Variants in GFPT1 observed in about 807,000 individuals in gnomAD.
GFPT1 encodes glutamine--fructose-6-phosphate aminotransferase [isomerizing] 1.
GFPT1 carries 40 observed loss-of-function variants against 92.0 expected under a neutral mutation model. The ratio of observed to expected loss-of-function variants is 0.43; its 90% confidence interval spans 0.34 to 0.57. The LOEUF is 0.57. Ranked by LOEUF, GFPT1 falls within the 20% of genes least tolerant of loss-of-function variation. The pLI is 0.02. For missense variants in GFPT1, 448 were observed against 869.1 expected (o/e 0.52, Z 6.09); for synonymous variants, 269 against 280.6 (o/e 0.96, Z 0.41).
intron 10 of GFPT1, among the ~76,000 whole-genome samples, chr2:69,349,092 G>C (rs1050874392): frequency 6.6e-6 from 1 of 152,054 alleles, no homozygotes; most frequent in African/African-American, 2.4e-5. Flanking sequence ...ACCCACCAAG[G>C]GTAAATCACT....
At chr2:69,328,538 T>C (rs1274245840) in intron 17 of GFPT1, 100 bp from the exon 18 acceptor site, 7 of 817,018 alleles carry the variant, frequency 8.6e-6, no homozygotes, top group Non-Finnish European at 1.5e-5. Flanking sequence ...CCACTGTCTA[T>C]CTATCCAAAA....
At chr2:69,387,041 GC>G in intron 1 of GFPT1, 23 bp downstream of exon 1, 6 of 1,515,542 alleles carry the variant, frequency 4.0e-6, no homozygotes, top group African/African-American at 2.8e-5. Flanking sequence ...CCGGCAACAC[GC>G]CCCCCGCTCC....
chr2:69,333,874 T>C (rs1331976088), intron 15 of GFPT1, among the ~76,000 whole-genome samples: 1 of 152,142 alleles, frequency 6.6e-6, no homozygotes, highest in African/African-American at 2.4e-5. Context: ...TAATCAACTT[T>C]TGGCTGGGCG....
chr2:69,345,051 T>A (rs1671051710), intron 12 of GFPT1, among the ~76,000 whole-genome samples: 1 of 152,138 alleles, frequency 6.6e-6, no homozygotes, highest in Non-Finnish European at 1.5e-5. Context: ...ACTGCTACTC[T>A]CCCAGTTCTT....
chr2:69,381,638 G>A (rs901209474), intron 1 of GFPT1, among the ~76,000 whole-genome samples: 1 of 148,028 alleles, frequency 6.8e-6, no homozygotes, highest in Non-Finnish European at 1.5e-5. Flanking sequence ...GCTCACTGCA[G>A]CCTCAAACTC....
At chr2:69,346,127 G>A in intron 11 of GFPT1, 128 bp from the exon 12 acceptor site, 3 of 669,376 alleles carry the variant, frequency 4.5e-6, no homozygotes, top group Non-Finnish European at 8.0e-6. Flanking sequence ...CAATAGACAT[G>A]ACTGCCTAAA....
chr2:69,352,612 C>CAAAAAAAAAAAAAAA (rs748958210), intron 9 of GFPT1, among the ~76,000 whole-genome samples: 4 of 47,386 alleles, frequency 8.4e-5, no homozygotes, highest in African/African-American at 3.0e-4. Context: ...GACTTCGTCT[C>CAAAAAAAAAAAAAAA]AAAAAAAAAA....
In GFPT1 at chr2:69,319,873, T is replaced by C. The variant is rs1252301558; in HGVS notation, c.*6316A>G. 2 of 152,196 alleles carry C rather than the reference T, an allele frequency of 1.3e-5. No homozygotes were observed. Among genetic ancestry groups the C allele is most frequent in the Non-Finnish European group, 2.9e-5 (2 of 68,038 alleles). 9.4% of individuals were successfully genotyped at this position (152,196 alleles called of 1,614,324 possible). On this transcript the variant is annotated 3_prime_UTR_variant, in exon 20 of 20. Coordinates refer to ENST00000357308, the MANE Select transcript of GFPT1 (RefSeq NM_001244710.2). ...CTTGATATTTCAAAACAATTCTACATACAAAGTACAATAGGAAAAAACCAA... is the reference window on the plus strand; with the variant it reads ...CTTGATATTTCAAAACAATTCTACACACAAAGTACAATAGGAAAAAACCAA...
intron 13 of GFPT1, among the ~76,000 whole-genome samples, chr2:69,341,495 C>T (rs969899161): frequency 3.3e-5 from 5 of 152,072 alleles, no homozygotes; most frequent in South Asian, 2.1e-4. Context: ...GAAGTCAATC[C>T]TAAAAGCAGA....
intron 4 of GFPT1, among the ~76,000 whole-genome samples, chr2:69,359,733 A>G (rs1671422686): frequency 6.6e-6 from 1 of 152,232 alleles, no homozygotes; most frequent in Non-Finnish European, 1.5e-5. Context: ...TTCTTGAGTA[A>G]AAGTTTAAAG....
intron 10 of GFPT1, among the ~76,000 whole-genome samples, chr2:69,348,913 C>A (rs558312682): frequency 2.6e-5 from 4 of 152,266 alleles, no homozygotes; most frequent in African/African-American, 7.2e-5. Flanking sequence ...TCATCTCCCC[C>A]CAAGCTTCCT....
chr2:69,367,728 C>T (rs1423299780), intron 3 of GFPT1, among the ~76,000 whole-genome samples: 2 of 152,174 alleles, frequency 1.3e-5, no homozygotes, highest in Non-Finnish European at 2.9e-5. Flanking sequence ...AATTTTGCAA[C>T]AGTGAATCTT....
intron 3 of GFPT1, among the ~76,000 whole-genome samples, chr2:69,364,861 G>A (rs905093383): frequency 6.6e-6 from 1 of 151,856 alleles, no homozygotes; most frequent in African/African-American, 2.4e-5. Flanking sequence ...CGGGTGTGGT[G>A]GTGCGCGCCT....
intron 1 of GFPT1, among the ~76,000 whole-genome samples, chr2:69,376,999 A>C (rs1457161843): frequency 6.6e-6 from 1 of 152,010 alleles, no homozygotes; most frequent in Admixed American, 6.6e-5. Flanking sequence ...ACATGAGGTA[A>C]GGAGTTCAAG....
At chr2:69,364,551 T>C (rs770465371) in intron 3 of GFPT1, among the ~76,000 whole-genome samples, 44 of 152,260 alleles carry the variant, frequency 2.9e-4, no homozygotes, top group Admixed American at 1.4e-3. Flanking sequence ...TGCAATTTCT[T>C]TGGTCTCTGG....
intron 18 of GFPT1, among the ~76,000 whole-genome samples, chr2:69,327,288 C>T (rs1246329990): frequency 6.6e-6 from 1 of 152,136 alleles, no homozygotes; most frequent in East Asian, 1.9e-4. Flanking sequence ...ACTCATGCAA[C>T]TAAGAAATAC....
At chr2:69,349,862 A>G (rs931360193) in intron 10 of GFPT1, among the ~76,000 whole-genome samples, 1 of 152,256 alleles carries the variant, frequency 6.6e-6, no homozygotes, top group African/African-American at 2.4e-5. Context: ...ACAAGTCTCA[A>G]GCAGTATATG....
At chr2:69,335,278 A>G (rs1670768085) in intron 15 of GFPT1, among the ~76,000 whole-genome samples, 1 of 152,178 alleles carries the variant, frequency 6.6e-6, no homozygotes, top group Non-Finnish European at 1.5e-5. Context: ...AAGTGCCAGG[A>G]TAACAGTTGT....
intron 11 of GFPT1, among the ~76,000 whole-genome samples, chr2:69,347,003 G>A (rs1223105685): frequency 6.6e-6 from 1 of 151,918 alleles, no homozygotes; most frequent in East Asian, 1.9e-4. Context: ...TCTGCCTCCT[G>A]GGTTCAAGTG....
Sources: allele counts gnomAD v4.1 joint callset (sites outside exome capture counted in the v4.1 genomes callset), GRCh38; gene constraint gnomAD v4.1.1; transcripts MANE v1.5; gene names NCBI Gene and HGNC (gene_info 2026-07-23, HGNC 2026-07-21).